The following TBX3 variants were observed in gnomAD, a reference collection of about 807,000 sequenced individuals.
TBX3 encodes the protein T-box transcription factor 3.
In TBX3, 11 loss-of-function variants were observed where a neutral mutation model predicts 47.8. That is an observed-to-expected ratio of 0.23 (90% CI 0.14 to 0.38). The LOEUF is 0.38. Among genes scored for constraint, TBX3 ranks in the 10% least tolerant of loss-of-function variants. TBX3 has a pLI of 1.00. For synonymous variants in TBX3, 500 were observed against 449.3 expected (o/e 1.11, Z -1.43); for missense variants, 927 against 1,022.8 (o/e 0.91, Z 1.28).
chr12:114,679,369 A>G, intron 3 of TBX3, 136 bp downstream of exon 3: 1 of 1,261,200 alleles, frequency 7.9e-7, no homozygotes, highest in Admixed American at 1.8e-5. Context: ...CTTTCCCCCC[A>G]AATGCTCCAC....
chr12:114,678,710 ACC>A (rs950301456), intron 3 of TBX3, among the ~76,000 whole-genome samples: 8 of 152,128 alleles, frequency 5.3e-5, no homozygotes, highest in Non-Finnish European at 1.2e-4. Context: ...CCCTCCTCCC[ACC>A]CCATAACTGC....
rs911283319 is a variant in TBX3, at chr12:114,684,052, A to G, written c.-852T>C. Reference sequence around the variant, plus strand: ...GATTTAGAGGGGGAAAAAATGGAACAGAGGGAAAGAGAGGGAGGGGAGAGA... The same window carrying G: ...GATTTAGAGGGGGAAAAAATGGAACGGAGGGAAAGAGAGGGAGGGGAGAGA... On this transcript the variant is annotated 5_prime_UTR_variant, in exon 1 of 7. Transcript: ENST00000349155. The G allele has an allele frequency of 2.8e-5, 6 of 216,630 alleles. No individual in the cohort carries two copies. The highest frequency in any genetic ancestry group is 1.2e-4 in the African/African-American group (5 of 41,006). 13.4% of individuals were successfully genotyped at this position (216,630 alleles called of 1,614,324 possible).
At chr12:114,677,074 C>A (rs1272554259) in intron 4 of TBX3, among the ~76,000 whole-genome samples, 3 of 134,798 alleles carry the variant, frequency 2.2e-5, no homozygotes, top group Non-Finnish European at 4.7e-5. Flanking sequence ...TTTAGAAATT[C>A]TTTGAAAGGG....
intron 1 of TBX3, among the ~76,000 whole-genome samples, chr12:114,682,025 C>T (rs1191743873): frequency 2.0e-5 from 3 of 151,542 alleles, no homozygotes; most frequent in Non-Finnish European, 4.4e-5. Context: ...TTACAGGCTT[C>T]AATGCTATTA....
rs764271389 is a variant in TBX3 at position 114,674,348 on chromosome 12, G to A, written c.1527C>T (p.Gly509=). The A allele has an allele frequency of 6.4e-7, 1 of 1,557,718 alleles. No individual in the cohort carries two copies. The highest frequency in any genetic ancestry group is 8.7e-7 in the Non-Finnish European group (1 of 1,150,912). Residue 509 remains glycine, a synonymous_variant, in exon 6 of 7, where the codon GGC becomes GGT. Transcript: ENST00000349155. ...FLHPSQFAMG[G]AFSSMAAAGM... ...CAGCGGCCGCCATGCTGGAGAAGGC[G>A]CCCCCCATGGCAAACTGGCTGGGGT... is the stretch of plus-strand genomic sequence containing the variant.
intron 6 of TBX3, among the ~76,000 whole-genome samples, chr12:114,673,899 C>T (rs1868568087): frequency 6.6e-6 from 1 of 152,242 alleles, no homozygotes; most frequent in South Asian, 2.1e-4. Flanking sequence ...AAAGTAAGTG[C>T]TGTGTCCAGC....
Position 114,684,134 on chromosome 12 carries a change from T to C in TBX3, c.-934A>G, listed in dbSNP as rs541577605. The C allele has an allele frequency of 4.4e-6, 1 of 227,076 alleles. No individual in the cohort carries two copies. Among genetic ancestry groups the C allele is most frequent in the East Asian group, 6.2e-5 (1 of 16,082 alleles). 14.1% of individuals were successfully genotyped at this position (227,076 alleles called of 1,614,324 possible). A position where few individuals can be genotyped will look rare whatever the true frequency, so the allele number is the denominator to read the frequency against. ...GGAGGGAGCGAGAGAAAGCGAGAGC[T>C]CCTCGCCACCCTCCGCCGCCTCTAG... On this transcript the variant is annotated 5_prime_UTR_variant, in exon 1 of 7. Coordinates refer to ENST00000349155, the MANE Select transcript of TBX3 (RefSeq NM_005996.4).
chr12:114,674,170 A>C lies in TBX3; in HGVS notation c.1705T>G (p.Ser569Ala). The C allele has an allele frequency of 6.3e-7, 1 of 1,582,858 alleles. No individual in the cohort carries two copies. Among genetic ancestry groups the C allele is most frequent in the Non-Finnish European group, 8.6e-7 (1 of 1,166,514 alleles). Residue 569 changes from serine to alanine, a missense_variant, in exon 6 of 7, where the codon TCT becomes GCT. By Grantham distance (99) the Ser-to-Ala change is moderately conservative (BLOSUM62 1). This residue lies in a region of TBX3 where 623 missense variants were observed against 569.0 expected (regional missense o/e 1.09). Coordinates refer to ENST00000349155, the MANE Select transcript of TBX3 (RefSeq NM_005996.4). The part of the protein sequence containing the change: ...PFHLQQHVLA[S>A]QGLAMSPFGS... ...GCAGGAAGAAGGATCCATACCTGAGAGGCCAGGACGTGCTGCTGGAGGTGG... is the reference window on the plus strand; with the variant it reads ...GCAGGAAGAAGGATCCATACCTGAGCGGCCAGGACGTGCTGCTGGAGGTGG...
chr12:114,674,147 A>C lies in TBX3; in HGVS notation c.1710+18T>G. On this transcript the variant is annotated intron_variant, in intron 6 of 6. Transcript: ENST00000349155. The stretch of plus-strand genomic sequence containing the variant: ...GAAAGGTGGAAAGACTGGTGGAGGC[A>C]GGAAGAAGGATCCATACCTGAGAGG... 1 of 1,577,016 alleles carries C rather than the reference A, an allele frequency of 6.3e-7. No individual in the cohort carries two copies.
At position 114,672,294 on chromosome 12, in the gene TBX3, G is replaced by A. The variant is rs2121378070; in HGVS notation, c.1719C>T (p.Ala573=). ...QQHVLASQGL[A]MSPFGSLFPY... Reference sequence around the variant, plus strand: ...GGAACAGGCTTCCGAAAGGGGACATGGCCAGGCCCTGGGGTGAGAAAAGAG... The same window carrying A: ...GGAACAGGCTTCCGAAAGGGGACATAGCCAGGCCCTGGGGTGAGAAAAGAG... The change falls in exon 7 of 7, where the codon GCC becomes GCT. Residue 573 remains alanine, a synonymous_variant. Coordinates refer to ENST00000349155, the MANE Select transcript of TBX3 (RefSeq NM_005996.4). 3 of 1,561,178 alleles carry A rather than the reference G, an allele frequency of 1.9e-6. No individual in the cohort carries two copies. Among genetic ancestry groups the A allele is most frequent in the Non-Finnish European group, 2.6e-6 (3 of 1,154,478 alleles).
intron 2 of TBX3, 146 bp downstream of exon 2, chr12:114,680,733 G>GA: frequency 1.6e-6 from 2 of 1,219,118 alleles, no homozygotes; most frequent in Non-Finnish European, 2.4e-6. Context: ...GAAACACCCC[G>GA]AATCCTTTTT....
At chr12:114,672,781 T>C (rs1055842744) in intron 6 of TBX3, among the ~76,000 whole-genome samples, 2 of 152,122 alleles carry the variant, frequency 1.3e-5, no homozygotes, top group Admixed American at 6.5e-5. Context: ...AATAATTTTT[T>C]AAATCTTTCT....
intron 5 of TBX3, among the ~76,000 whole-genome samples, chr12:114,675,949 C>T (rs1234454126): frequency 2.0e-5 from 3 of 152,064 alleles, no homozygotes; most frequent in Non-Finnish European, 4.4e-5. Flanking sequence ...GCAGTTGGAG[C>T]CTCTGTTGGT....
chr12:114,671,781 C>T lies in TBX3; in HGVS notation c.*60G>A. ...GGCGGGCCCGTGGTTTATTTTATAT[C>T]CGACAAAGTGCACGGCAGCCTGAAC... is the stretch of plus-strand genomic sequence containing the variant. On this transcript the variant is annotated 3_prime_UTR_variant, in exon 7 of 7. Coordinates refer to ENST00000349155, the MANE Select transcript of TBX3 (RefSeq NM_005996.4). 6.5e-7 allele frequency: 1 copy of T among 1,543,354 alleles called. No homozygotes were observed. The highest frequency in any genetic ancestry group is 1.2e-5 in the South Asian group (1 of 83,574).
chr12:114,682,676 C>G, intron 1 of TBX3, 136 bp downstream of exon 1: 5 of 1,351,684 alleles, frequency 3.7e-6, no homozygotes, highest in Non-Finnish European at 5.2e-6. Flanking sequence ...GCCTGGAAGT[C>G]TGTGCATACA....
Position 114,671,083 on chromosome 12 carries a change from C to T in TBX3, c.*758G>A, listed in dbSNP as rs1368352435. ...TTTATGTGTTTTGCCCACTCCTTCC[C>T]TTTAAATCCCCCCCTCCCTTGGGTC... is the stretch of plus-strand genomic sequence containing the variant. On this transcript the variant is annotated 3_prime_UTR_variant, in exon 7 of 7. Transcript: ENST00000349155. 1 of 209,110 alleles carries T rather than the reference C, an allele frequency of 4.8e-6. No individual in the cohort carries two copies. Among genetic ancestry groups the T allele is most frequent in the Non-Finnish European group, 9.7e-6 (1 of 102,884 alleles). 13.0% of individuals were successfully genotyped at this position (209,110 alleles called of 1,614,324 possible).
In TBX3 at chr12:114,678,605, G is replaced by A. The variant is rs149425295; in HGVS notation, c.804+900C>T. Among the ~76,000 whole-genome samples the A allele has an allele frequency of 3.1e-3, 468 of 152,302 alleles. 3 individuals are homozygous for A. Among genetic ancestry groups the A allele is most frequent in the South Asian group, 0.014 (67 of 4,826 alleles). On this transcript the variant is annotated intron_variant, in intron 3 of 6. Transcript: ENST00000349155. ...TCATGAAGTCCACAGAGGACCCAAG[G>A]ACAGTGACAATGACAGTGAGTTCAA... is the stretch of plus-strand genomic sequence containing the variant.
At chr12:114,679,758 C>G in intron 2 of TBX3, 107 bp from the exon 3 acceptor site, 1 of 1,560,856 alleles carries the variant, frequency 6.4e-7, no homozygotes, top group Non-Finnish European at 8.8e-7. Flanking sequence ...CAGGGTACCA[C>G]GCTTGTACCG....
Position 114,683,999 on chromosome 12 carries a change from T to C in TBX3, c.-799A>G. On this transcript the variant is annotated 5_prime_UTR_variant, in exon 1 of 7. Transcript: ENST00000349155. The surrounding 1 kb of genome is among the most constrained non-coding windows in gnomAD (Gnocchi z 7.7). ...AACGTGAGCGAATTCGCTTCCTAAA[T>C]CTGTGTCCAGGCGCGCAGGGCAGGG... 4.3e-6 allele frequency: 1 copy of C among 230,312 alleles called. No homozygotes were observed. The highest frequency in any genetic ancestry group is 8.6e-6 in the Non-Finnish European group (1 of 116,516). The allele number at this position is 230,312 out of a possible 1,614,324, so 14.3% of individuals were successfully genotyped here. A position where few individuals can be genotyped will look rare whatever the true frequency, so the allele number is the denominator to read the frequency against.
Sources: allele counts gnomAD v4.1 joint callset (sites outside exome capture counted in the v4.1 genomes callset), GRCh38; gene constraint gnomAD v4.1.1; regional missense constraint gnomAD v4.1.1; non-coding constraint Gnocchi (gnomAD v3.1); transcripts MANE v1.5; gene names NCBI Gene and HGNC (gene_info 2026-07-23, HGNC 2026-07-21).